VAT1L: variants seen among roughly 807,000 people sequenced by gnomAD.
VAT1L encodes the protein putative NADPH-dependent quinone oxidoreductase VAT1L.
VAT1L carries 34 observed loss-of-function variants against 44.1 expected under a neutral mutation model. The observed-to-expected ratio is 0.77, with a 90% CI of 0.59 to 1.03. The LOEUF (loss-of-function observed/expected upper bound fraction) is 1.03. Among genes scored for constraint, VAT1L ranks in the 50% least tolerant of loss-of-function variants. The pLI is 0.00. For synonymous variants in VAT1L, 253 were observed against 202.2 expected (o/e 1.25, Z -2.13); for missense variants, 615 against 538.8 (o/e 1.14, Z -1.40).
rs377324133 is a variant in VAT1L at position 77,867,808 on chromosome 16, C to T, written c.722+4918C>T. ...CAGGAGGTGGAGGTTGCAGTGAGCC[C>T]AGATTATGCCACTGCACTCCAGCCT... On this transcript the variant is annotated intron_variant, in intron 4 of 8. Coordinates refer to ENST00000302536, the MANE Select transcript of VAT1L (RefSeq NM_020927.3). Among the ~76,000 whole-genome samples the T allele has an allele frequency of 2.7e-3, 407 of 150,226 alleles. 12 individuals are homozygous for T. In the South Asian group the frequency reaches 0.059, roughly 22 times the overall value.
chr16:77,909,636 C>CAA (rs35074692), intron 7 of VAT1L, among the ~76,000 whole-genome samples: 2 of 87,318 alleles, frequency 2.3e-5, no homozygotes, highest in Non-Finnish European at 4.6e-5. Context: ...GACTCTGTCT[C>CAA]AAAAAAAAAA....
chr16:77,947,214 C>T (rs765690359), intron 7 of VAT1L, among the ~76,000 whole-genome samples: 2 of 152,168 alleles, frequency 1.3e-5, no homozygotes, highest in African/African-American at 4.8e-5. Context: ...AGGATTCCAG[C>T]GCTCACAAGA....
At chr16:77,805,134 G>A (rs1041620862) in intron 1 of VAT1L, among the ~76,000 whole-genome samples, 52 of 152,050 alleles carry the variant, frequency 3.4e-4, no homozygotes, top group African/African-American at 1.1e-3. Flanking sequence ...GAACACAGGT[G>A]GATTCTTCAG....
intron 7 of VAT1L, among the ~76,000 whole-genome samples, chr16:77,920,075 G>C (rs1037168978): frequency 6.6e-6 from 1 of 151,712 alleles, no homozygotes; most frequent in African/African-American, 2.4e-5. Context: ...CAAAGACTCT[G>C]TCCAAAAAAA....
chr16:77,857,705 G>A (rs1490590576), intron 3 of VAT1L, among the ~76,000 whole-genome samples: 3 of 149,352 alleles, frequency 2.0e-5, no homozygotes, highest in Non-Finnish European at 4.4e-5. Flanking sequence ...TACACATCAT[G>A]GCTATATATA....
At chr16:77,828,025 G>A (rs2016542434) in intron 3 of VAT1L, among the ~76,000 whole-genome samples, 1 of 152,202 alleles carries the variant, frequency 6.6e-6, no homozygotes, top group African/African-American at 2.4e-5. Context: ...CAGACGGGCT[G>A]GTCTCTTTGA....
chr16:77,805,793 C>A (rs927351360), intron 1 of VAT1L, among the ~76,000 whole-genome samples: 1 of 151,386 alleles, frequency 6.6e-6, no homozygotes, highest in African/African-American at 2.4e-5. Flanking sequence ...AGATTTTCCC[C>A]AAGCAGTTTA....
intron 3 of VAT1L, among the ~76,000 whole-genome samples, chr16:77,851,902 C>T (rs1322178341): frequency 1.3e-5 from 2 of 152,156 alleles, no homozygotes; most frequent in Non-Finnish European, 2.9e-5. Flanking sequence ...ACAGGACCCT[C>T]GGAGATTCTG....
At chr16:77,955,944 C>A (rs925641949) in intron 7 of VAT1L, among the ~76,000 whole-genome samples, 6 of 152,134 alleles carry the variant, frequency 3.9e-5, no homozygotes, top group African/African-American at 1.4e-4. Context: ...GAAGCGGGGT[C>A]TAAAGCCTAG....
At chr16:77,975,949 T>G (rs1365169855) in intron 8 of VAT1L, among the ~76,000 whole-genome samples, 3 of 152,212 alleles carry the variant, frequency 2.0e-5, no homozygotes, top group African/African-American at 7.2e-5. Flanking sequence ...TTTCCACTGC[T>G]GTAGAACAGA....
At chr16:77,963,219 T>C (rs1445457702) in intron 7 of VAT1L, among the ~76,000 whole-genome samples, 1 of 152,054 alleles carries the variant, frequency 6.6e-6, no homozygotes, top group East Asian at 1.9e-4. Flanking sequence ...GTACCTCACA[T>C]GGAAAAACGG....
chr16:77,943,837 T>A (rs1038173107), intron 7 of VAT1L, among the ~76,000 whole-genome samples: 2 of 152,292 alleles, frequency 1.3e-5, no homozygotes, highest in Non-Finnish European at 2.9e-5. Flanking sequence ...GTTATTAGGA[T>A]GCAATTAGCA....
intron 1 of VAT1L, among the ~76,000 whole-genome samples, chr16:77,802,605 C>T (rs967716210): frequency 6.9e-6 from 1 of 145,522 alleles, no homozygotes; most frequent in East Asian, 2.1e-4. Flanking sequence ...CAGAGCGAGA[C>T]CCCATCTCAA....
At position 77,884,609 on chromosome 16, in the gene VAT1L, G is replaced by A; in HGVS notation, c.884G>A (p.Trp295Ter). Reference protein sequence around the residue: ...TKSFFSFAKSWWQVEKVNPIK... With the variant: ...TKSFFSFAKS Reference sequence around the variant, plus strand: ...ACCCAATACCACCTCTCTTTGCAGTGGTGGCAGGTGGAGAAGGTGAACCCC... The same window carrying A: ...ACCCAATACCACCTCTCTTTGCAGTAGTGGCAGGTGGAGAAGGTGAACCCC... Residue 295 changes from tryptophan (W) to a stop codon, truncating the protein, a stop_gained and splice_region_variant, in exon 7 of 9, where the codon TGG becomes TAG. Transcript: ENST00000302536. LOFTEE classifies it high-confidence loss of function. This position sits in a 1 kb window ranked among gnomAD's most constrained non-coding sequence, Gnocchi z 4.5. 1 of 1,612,774 alleles carries A rather than the reference G, an allele frequency of 6.2e-7. No homozygotes were observed.
intron 7 of VAT1L, among the ~76,000 whole-genome samples, chr16:77,952,785 A>G (rs1318128069): frequency 1.4e-5 from 2 of 142,068 alleles, no homozygotes; most frequent in Non-Finnish European, 3.0e-5. Context: ...TTGACCTGGG[A>G]GGCAGAGGTT....
chr16:77,851,346 T>C (rs2016806633), intron 3 of VAT1L, among the ~76,000 whole-genome samples: 1 of 152,130 alleles, frequency 6.6e-6, no homozygotes, highest in South Asian at 2.1e-4. Context: ...ATACAGTCTT[T>C]AGAGTAAGAA....
At chr16:77,878,849 A>C (rs1042936407) in intron 5 of VAT1L, among the ~76,000 whole-genome samples, 4 of 152,216 alleles carry the variant, frequency 2.6e-5, no homozygotes, top group Admixed American at 1.3e-4. Context: ...GCCTCAAAGA[A>C]CAGACCTAAA....
chr16:77,837,576 G>C (rs1050426271), intron 3 of VAT1L, among the ~76,000 whole-genome samples: 6 of 152,100 alleles, frequency 3.9e-5, no homozygotes, highest in African/African-American at 1.4e-4. Context: ...AGAAATGAAA[G>C]AATCAAGGGA....
chr16:77,937,731 G>T (rs72796732), intron 7 of VAT1L, among the ~76,000 whole-genome samples: 2,534 of 152,316 alleles, frequency 0.017, 29 homozygotes, highest in Middle Eastern at 0.051. Flanking sequence ...CCACCTGACT[G>T]TCTCACAAAT....
Sources: gnomAD v4.1 joint callset for allele counts (sites outside exome capture counted in the v4.1 genomes callset) on GRCh38, gnomAD v4.1.1 for gene constraint, Gnocchi (gnomAD v3.1) non-coding constraint, MANE v1.5 for transcripts, NCBI Gene and HGNC (gene_info 2026-07-23, HGNC 2026-07-21) for gene names.